Variants in TBCK observed in about 807,000 individuals in gnomAD.
The protein encoded by TBCK is TBC1 domain containing kinase.
TBCK carries 99 observed loss-of-function variants against 113.4 expected under a neutral mutation model. The observed-to-expected ratio is 0.87, with a 90% confidence interval of 0.74 to 1.03. TBCK has a LOEUF of 1.03. Ranked by LOEUF, TBCK falls within the 50% of genes least tolerant of loss-of-function variation. The pLI, the probability that TBCK is intolerant of heterozygous loss-of-function variation, is 0.00. For missense variants in TBCK, 1,045 were observed against 1,061.3 expected, an observed-to-expected ratio of 0.98 and a Z score of 0.21; for synonymous variants, 369 against 370.8, an observed-to-expected ratio of 1.00 and a Z score of 0.05.
intron 8 of TBCK, among the ~76,000 whole-genome samples, chr4:106,248,608 T>C (rs998664638): frequency 6.6e-6 from 1 of 152,182 alleles, no homozygotes; most frequent in African/African-American, 2.4e-5. Flanking sequence ...AATGTGATGG[T>C]ATTAAGAGGT....
At chr4:106,293,479 G>C (rs955604552) in intron 3 of TBCK, among the ~76,000 whole-genome samples, 3 of 152,048 alleles carry the variant, frequency 2.0e-5, no homozygotes, top group African/African-American at 7.3e-5. Flanking sequence ...AATAAAAATA[G>C]AAATAAAGTA....
chr4:106,091,345 G>GC (rs1740205968), intron 25 of TBCK, among the ~76,000 whole-genome samples: 2 of 152,212 alleles, frequency 1.3e-5, no homozygotes, highest in South Asian at 4.1e-4. Context: ...AGGACATCAA[G>GC]CCATTCACGA....
At chr4:106,302,895 G>GT (rs1767097417) in intron 2 of TBCK, among the ~76,000 whole-genome samples, 1 of 152,062 alleles carries the variant, frequency 6.6e-6, no homozygotes, top group African/African-American at 2.4e-5. Flanking sequence ...CTAAAGCCAG[G>GT]TAACAAATAA....
At chr4:106,258,368 T>C (rs1439207887) in intron 5 of TBCK, among the ~76,000 whole-genome samples, 3 of 152,094 alleles carry the variant, frequency 2.0e-5, no homozygotes, top group Admixed American at 1.3e-4. Context: ...TGTTCCTTAA[T>C]ATTTGTCTTT....
At chr4:106,237,478 A>C (rs1188080658) in intron 12 of TBCK, 1 of 455,824 alleles carries the variant, frequency 2.2e-6, no homozygotes, top group South Asian at 1.6e-5. Context: ...GATTAAAGTT[A>C]ATGCCATCTT....
chr4:106,179,220 T>C (rs1010291750), intron 22 of TBCK, among the ~76,000 whole-genome samples: 3 of 152,040 alleles, frequency 2.0e-5, no homozygotes, highest in African/African-American at 7.2e-5. Flanking sequence ...ATCTTTTGTA[T>C]TGTTTTCTTA....
intron 3 of TBCK, among the ~76,000 whole-genome samples, chr4:106,278,429 C>A (rs1004781311): frequency 2.6e-5 from 4 of 151,404 alleles, no homozygotes; most frequent in Non-Finnish European, 5.9e-5. Flanking sequence ...CCTGGTGGTG[C>A]GTGCCTGTAA....
At chr4:106,182,414 G>C (rs1276291962) in intron 22 of TBCK, 1 of 152,140 alleles carries the variant, frequency 6.6e-6, no homozygotes, top group Non-Finnish European at 1.5e-5. Context: ...TGTTGAATAG[G>C]AGTGGTGAGA....
intron 22 of TBCK, among the ~76,000 whole-genome samples, chr4:106,185,884 T>C (rs1180719876): frequency 2.6e-5 from 4 of 152,084 alleles, no homozygotes; most frequent in African/African-American, 7.2e-5. Flanking sequence ...CCTCCTCCCA[T>C]CTTTCATCCT....
At chr4:106,129,415 T>A (rs1249151184) in intron 23 of TBCK, among the ~76,000 whole-genome samples, 1 of 152,210 alleles carries the variant, frequency 6.6e-6, no homozygotes, top group Non-Finnish European at 1.5e-5. Context: ...CCTGCGTTAG[T>A]TTGCTGAGGA....
chr4:106,192,060 A>G (rs951812314), intron 22 of TBCK, among the ~76,000 whole-genome samples: 15 of 152,166 alleles, frequency 9.9e-5, no homozygotes, highest in Non-Finnish European at 7.4e-5. Flanking sequence ...CAAAGCAGGC[A>G]ATTTTAAAGA....
intron 23 of TBCK, among the ~76,000 whole-genome samples, chr4:106,132,886 C>T (rs1436521995): frequency 1.3e-5 from 2 of 152,166 alleles, no homozygotes; most frequent in African/African-American, 4.8e-5. Flanking sequence ...GCCAATTTCT[C>T]CCCTTTGGAA....
intron 25 of TBCK, among the ~76,000 whole-genome samples, chr4:106,049,133 T>TG: frequency 6.6e-6 from 1 of 152,292 alleles, no homozygotes; most frequent in Middle Eastern, 3.4e-3. Flanking sequence ...TCTTTTCTAC[T>TG]GCTATGGAAA....
At chr4:106,212,141 C>T (rs1177150503) in intron 20 of TBCK, among the ~76,000 whole-genome samples, 1 of 152,028 alleles carries the variant, frequency 6.6e-6, no homozygotes, top group African/African-American at 2.4e-5. Flanking sequence ...ATTTATTTTC[C>T]TCTCCACTTT....
intron 2 of TBCK, among the ~76,000 whole-genome samples, chr4:106,304,892 A>T (rs1203795048): frequency 6.6e-6 from 1 of 152,168 alleles, no homozygotes; most frequent in African/African-American, 2.4e-5. Context: ...CTTATTTACC[A>T]TGCATTTCTG....
intron 23 of TBCK, among the ~76,000 whole-genome samples, chr4:106,147,682 G>A (rs1003891816): frequency 2.0e-5 from 3 of 151,968 alleles, no homozygotes; most frequent in Non-Finnish European, 4.4e-5. Flanking sequence ...AAGCCGAGGA[G>A]GATGTATGTC....
chr4:106,307,784 G>A lies in TBCK; in HGVS notation c.193+984C>T, dbSNP rs1579587335. Reference sequence around the variant, plus strand: ...CAATTAAGCTTCCAAAAATAATTCTGAAATAATTAAAAATATTGCCACCAT... The same window carrying A: ...CAATTAAGCTTCCAAAAATAATTCTAAAATAATTAAAAATATTGCCACCAT... On this transcript the variant is annotated intron_variant, in intron 2 of 25. Coordinates refer to ENST00000394708, the MANE Select transcript of TBCK (RefSeq NM_001163435.3). Among the ~76,000 whole-genome samples, 2 of 151,962 alleles carry A rather than the reference G, an allele frequency of 1.3e-5. 1 individual carries two copies. The highest frequency in any genetic ancestry group is 1.3e-4 in the Admixed American group (2 of 15,276).
At chr4:106,276,264 T>A (rs1222597437) in intron 3 of TBCK, among the ~76,000 whole-genome samples, 1 of 152,144 alleles carries the variant, frequency 6.6e-6, no homozygotes, top group East Asian at 1.9e-4. Context: ...TTGAGATGAA[T>A]CATAGAGCCA....
In TBCK at chr4:106,080,089, T is replaced by C. The variant is rs564339378; in HGVS notation, c.2571+15393A>G. Among the ~76,000 whole-genome samples, 3 of 152,116 alleles carry C rather than the reference T, an allele frequency of 2.0e-5. No individual in the cohort carries two copies. The East Asian group carries it at 5.8e-4, about 29-fold the overall frequency. On this transcript the variant is annotated intron_variant, in intron 25 of 25. Transcript: ENST00000394708. ...CCATATTGGGAAGAGTTAAGATTGATAAAATGGCCATACTGCCCAAAGCAA... is the reference window on the plus strand; with the variant it reads ...CCATATTGGGAAGAGTTAAGATTGACAAAATGGCCATACTGCCCAAAGCAA...
Sources: allele counts gnomAD v4.1 joint callset (sites outside exome capture counted in the v4.1 genomes callset), GRCh38; gene constraint gnomAD v4.1.1; transcripts MANE v1.5; gene names NCBI Gene and HGNC (gene_info 2026-07-23, HGNC 2026-07-21).